MTR: variants seen among roughly 807,000 people sequenced by gnomAD.
MTR encodes the protein methionine synthase.
A neutral mutation model predicts 154.8 loss-of-function variants in MTR; 84 were observed. The ratio of observed to expected loss-of-function variants is 0.54; its 90% CI spans 0.45 to 0.65. The LOEUF is 0.65. Ranked by LOEUF, MTR falls within the 30% of genes least tolerant of loss-of-function variation. The pLI, the probability that MTR is intolerant of heterozygous loss-of-function variation, is 0.00. For missense variants in MTR, 1,275 were observed against 1,570.2 expected, an observed-to-expected ratio of 0.81 and a Z score of 3.18; for synonymous variants, 554 against 553.9, an observed-to-expected ratio of 1.00 and a Z score of 0.00.
chr1:236,894,860 T>G (rs1666534652), intron 30 of MTR: 1 of 437,796 alleles, frequency 2.3e-6, no homozygotes, highest in Non-Finnish European at 4.1e-6. Flanking sequence ...GATGTGACAT[T>G]TTCCTCAGTA....
In MTR at chr1:236,827,472, T is replaced by C. The variant is rs555969391; in HGVS notation, c.995+576T>C. Among the ~76,000 whole-genome samples the C allele has an allele frequency of 4.9e-3, 752 of 152,274 alleles. 10 individuals are homozygous for C. The highest frequency in any genetic ancestry group is 0.017 in the African/African-American group (709 of 41,532). On this transcript the variant is annotated intron_variant, in intron 11 of 32. Coordinates refer to ENST00000366577, the MANE Select transcript of MTR (RefSeq NM_000254.3). ...CTTATTTCATCTATCCCTCAACTTTTCCCCCTGGATTATGTAAAGTAAATC... is the reference window on the plus strand; with the variant it reads ...CTTATTTCATCTATCCCTCAACTTTCCCCCCTGGATTATGTAAAGTAAATC...
chr1:236,897,006 G>A lies in MTR; in HGVS notation c.3599G>A (p.Gly1200Asp). ...ATTTTCCCTGTGTTGCTCCCTCTAG[G>A]CATTAGGTTAACAGAATCATTAGCA... ...WRLADIEQST[G>D]IRLTESLAMA... Residue 1200 changes from glycine (G) to aspartate (D), a missense_variant and splice_region_variant, in exon 32 of 33, where the codon GGC becomes GAC. Transcript: ENST00000366577. The A allele has an allele frequency of 6.2e-7, 1 of 1,611,162 alleles. No individual in the cohort carries two copies. The highest frequency in any genetic ancestry group is 8.5e-7 in the Non-Finnish European group (1 of 1,177,326).
intron 22 of MTR, among the ~76,000 whole-genome samples, chr1:236,871,759 G>A (rs1335595038): frequency 6.6e-6 from 1 of 152,110 alleles, no homozygotes; most frequent in Non-Finnish European, 1.5e-5. Context: ...TACTGGGTTA[G>A]TGCCAACAAA....
intron 12 of MTR, among the ~76,000 whole-genome samples, chr1:236,831,661 G>A (rs1662619668): frequency 6.6e-6 from 1 of 152,192 alleles, no homozygotes; most frequent in African/African-American, 2.4e-5. Context: ...AGGGGTTGAT[G>A]ATTATTTTTC....
chr1:236,812,832 T>C lies in MTR; in HGVS notation c.597T>C (p.Thr199=). Reference sequence around the variant, plus strand: ...TACTCATTGAAACTATTTTTGATACTGCCAATGCCAAGGTGAGTTAAGGGA... The same window carrying C: ...TACTCATTGAAACTATTTTTGATACCGCCAATGCCAAGGTGAGTTAAGGGA... The part of the protein sequence containing the change: ...DILLIETIFD[T]ANAKAALFAL... Residue 199 remains threonine (T), a synonymous_variant, in exon 6 of 33, where the codon ACT becomes ACC. Transcript: ENST00000366577. 6.2e-7 allele frequency: 1 copy of C among 1,613,948 alleles called. No individual in the cohort carries two copies. Among genetic ancestry groups the C allele is most frequent in the Non-Finnish European group, 8.5e-7 (1 of 1,179,856 alleles).
chr1:236,822,317 T>TTTG (rs1268938229), intron 8 of MTR, among the ~76,000 whole-genome samples: 2 of 149,384 alleles, frequency 1.3e-5, no homozygotes, highest in Admixed American at 6.7e-5. Flanking sequence ...TTTTTGTTTT[T>TTTG]TTTTTTTTTT....
chr1:236,811,726 G>C, intron 5 of MTR: 1 of 455,450 alleles, frequency 2.2e-6, no homozygotes, highest in Non-Finnish European at 4.4e-6. Flanking sequence ...AACGTCATTG[G>C]CAGGTTTTTG....
chr1:236,840,701 G>C (rs1053735734), intron 15 of MTR, among the ~76,000 whole-genome samples: 1 of 152,178 alleles, frequency 6.6e-6, no homozygotes, highest in African/African-American at 2.4e-5. Flanking sequence ...TCCCATATTA[G>C]TGGATTAAAA....
chr1:236,827,607 T>A (rs1335584500), intron 11 of MTR, among the ~76,000 whole-genome samples: 1 of 152,126 alleles, frequency 6.6e-6, no homozygotes, highest in African/African-American at 2.4e-5. Flanking sequence ...GATTCTCTCA[T>A]GGAGGGAAAA....
rs60599724 is a variant in MTR at position 236,862,273 on chromosome 1, G to A, written c.2234G>A (p.Gly745Asp). 3 of 1,613,880 alleles carry A rather than the reference G, an allele frequency of 1.9e-6. No individual in the cohort carries two copies. Among genetic ancestry groups the A allele is most frequent in the Non-Finnish European group, 2.5e-6 (3 of 1,179,900 alleles). The part of the protein sequence containing the change: ...KSARVMKKAV[G>D]HLIPFMEKER... ...GCCCGGGTTATGAAGAAGGCTGTTGGCCACCTTATCCCTTTCATGGAAAAA... is the reference window on the plus strand; with the variant it reads ...GCCCGGGTTATGAAGAAGGCTGTTGACCACCTTATCCCTTTCATGGAAAAA... The change falls in exon 21 of 33, where the codon GGC becomes GAC. Residue 745 changes from glycine (G) to aspartate (D), a missense_variant. Physicochemically the swap from Gly to Asp is moderately conservative, Grantham distance 94 (BLOSUM62 -1). Coordinates refer to ENST00000366577, the MANE Select transcript of MTR (RefSeq NM_000254.3).
chr1:236,876,288 G>T (rs899162165), intron 24 of MTR, among the ~76,000 whole-genome samples: 1 of 152,180 alleles, frequency 6.6e-6, no homozygotes, highest in East Asian at 1.9e-4. Flanking sequence ...ATACTTGAAG[G>T]ATTCGATAGT....
chr1:236,878,455 C>T (rs184651692), intron 24 of MTR, among the ~76,000 whole-genome samples: 2 of 152,118 alleles, frequency 1.3e-5, no homozygotes, highest in Admixed American at 6.5e-5. Context: ...CTTGCAGTAG[C>T]GTGAGTAGAA....
chr1:236,817,760 A>G (rs1432826394), intron 8 of MTR, among the ~76,000 whole-genome samples: 1 of 152,282 alleles, frequency 6.6e-6, no homozygotes, highest in South Asian at 2.1e-4. Context: ...CTTACAGTTG[A>G]CTTAATGTCA....
rs759264804 is a variant in MTR at position 236,899,366 on chromosome 1, C to G, written c.*1722C>G. 1.3e-5 allele frequency: 2 copies of G among 152,152 alleles called. No individual in the cohort carries two copies. Among genetic ancestry groups the G allele is most frequent in the Non-Finnish European group, 2.9e-5 (2 of 68,036 alleles). 9.4% of individuals were successfully genotyped at this position (152,152 alleles called of 1,614,324 possible). ...CAAAATAAGGGCCTAGAAACTCACC[C>G]GTGCATATGTTGACCTTTGCAAAAT... On this transcript the variant is annotated 3_prime_UTR_variant, in exon 33 of 33. Coordinates refer to ENST00000366577, the MANE Select transcript of MTR (RefSeq NM_000254.3).
rs1013404984 is a variant in MTR, at chr1:236,858,262, G to A, written c.1954-1571G>A. Among the ~76,000 whole-genome samples the A allele has an allele frequency of 2.6e-5, 4 of 152,322 alleles. No homozygotes were observed. In the East Asian group the frequency reaches 7.7e-4, roughly 29 times the overall value. ...GGTGAAAAGCACGTCTTACATGACA[G>A]CAGATAAGAGAGGGAACTTGTGCAG... On this transcript the variant is annotated intron_variant, in intron 18 of 32. Transcript: ENST00000366577.
intron 18 of MTR, among the ~76,000 whole-genome samples, chr1:236,858,198 GTTCCA>G (rs1664311671): frequency 6.6e-6 from 1 of 152,310 alleles, no homozygotes; most frequent in African/African-American, 2.4e-5. Context: ...TGGACTCACG[GTTCCA>G]CGTGGCTGGG....
intron 24 of MTR, among the ~76,000 whole-genome samples, chr1:236,875,389 A>G (rs1367856812): frequency 1.3e-5 from 2 of 152,234 alleles, no homozygotes; most frequent in Non-Finnish European, 1.5e-5. Flanking sequence ...TTAACAACAT[A>G]AAGAGGTATA....
At chr1:236,871,448 G>C (rs1665126198) in intron 22 of MTR, among the ~76,000 whole-genome samples, 1 of 152,094 alleles carries the variant, frequency 6.6e-6, no homozygotes, top group African/African-American at 2.4e-5. Flanking sequence ...AGAAAAAGCA[G>C]TGACAGCAAG....
intron 5 of MTR, chr1:236,811,681 G>A (rs1661311792): frequency 2.2e-6 from 1 of 456,092 alleles, no homozygotes; most frequent in Non-Finnish European, 4.4e-6. Flanking sequence ...CTTGCTCTTG[G>A]GCTGTACAAG....
Sources: allele counts gnomAD v4.1 joint callset (sites outside exome capture counted in the v4.1 genomes callset), GRCh38; gene constraint gnomAD v4.1.1; transcripts MANE v1.5; gene names NCBI Gene and HGNC (gene_info 2026-07-23, HGNC 2026-07-21).